CDH4: variants seen among roughly 807,000 people sequenced by gnomAD.
CDH4 encodes cadherin-4.
CDH4 carries 33 observed loss-of-function variants against 86.0 expected under a neutral mutation model. The observed-to-expected ratio is 0.38, with a 90% CI of 0.29 to 0.51. The LOEUF is 0.51. Among genes scored for constraint, CDH4 ranks in the 20% least tolerant of loss-of-function variants. The pLI, the probability that CDH4 is intolerant of heterozygous loss-of-function variation, is 0.86. For missense variants in CDH4, 1,114 were observed against 1,307.4 expected, an observed-to-expected ratio of 0.85 and a Z score of 2.28; for synonymous variants, 555 against 549.4, an observed-to-expected ratio of 1.01 and a Z score of -0.14.
intron 2 of CDH4, among the ~76,000 whole-genome samples, chr20:61,534,753 C>T (rs2085983794): frequency 7.0e-6 from 1 of 142,076 alleles, no homozygotes; most frequent in Non-Finnish European, 1.5e-5. Flanking sequence ...CTGGGACGCT[C>T]CTTTGGAGCA....
chr20:61,736,237 C>T (rs1220576073), intron 2 of CDH4, among the ~76,000 whole-genome samples: 1 of 152,160 alleles, frequency 6.6e-6, no homozygotes, highest in Non-Finnish European at 1.5e-5. Context: ...CCTCAGCTGC[C>T]CCTGTTCCGG....
chr20:61,562,219 TTCGTGTGGAGAGGTGGACCCCAGG>T (rs2086222960), intron 2 of CDH4, among the ~76,000 whole-genome samples: 1 of 116,692 alleles, frequency 8.6e-6, no homozygotes, highest in Non-Finnish European at 1.7e-5. Context: ...GAGAGGGACC[TTCGTGTGGAGAGGTGGACCCCAGG>T]GCTCCCGGAG....
At position 61,516,825 on chromosome 20, in the gene CDH4, G is replaced by A. The variant is rs931587364; in HGVS notation, c.170-226738G>A. Among the ~76,000 whole-genome samples, 8 of 152,158 alleles carry A rather than the reference G, an allele frequency of 5.3e-5. No individual in the cohort carries two copies. Among genetic ancestry groups the A allele is most frequent in the South Asian group, 2.1e-4 (1 of 4,822 alleles). ...GCTTTCTTCTTGGGAACCTGGGCTC[G>A]CTGTCCACACAGCCCCTGCTCCCCT... On this transcript the variant is annotated intron_variant, in intron 2 of 15. Transcript: ENST00000614565. The surrounding 1 kb of genome is among the most constrained non-coding windows in gnomAD (Gnocchi z 4.0).
intron 6 of CDH4, among the ~76,000 whole-genome samples, chr20:61,856,928 A>G (rs1298899074): frequency 1.3e-5 from 2 of 152,306 alleles, no homozygotes; most frequent in African/African-American, 4.8e-5. Flanking sequence ...GTGTTTCCAG[A>G]GTCTCCCCGG....
At chr20:61,742,933 G>T (rs573364776) in intron 2 of CDH4, among the ~76,000 whole-genome samples, 1 of 152,250 alleles carries the variant, frequency 6.6e-6, no homozygotes, top group East Asian at 1.9e-4. Flanking sequence ...GCACTTGGTG[G>T]GGCCAGGGTC....
chr20:61,288,450 A>C (rs191359583), intron 2 of CDH4, among the ~76,000 whole-genome samples: 97 of 152,328 alleles, frequency 6.4e-4, no homozygotes, highest in African/African-American at 2.3e-3. Context: ...CTGGGTCTGG[A>C]GAAAGCAGGT....
intron 2 of CDH4, chr20:61,434,515 C>G: frequency 6.6e-6 from 1 of 151,810 alleles, no homozygotes; most frequent in Non-Finnish European, 1.5e-5. Context: ...TGCTGTAATC[C>G]GGCTGTCCTC....
At chr20:61,918,120 G>T (rs1600770951) in intron 9 of CDH4, among the ~76,000 whole-genome samples, 1 of 152,236 alleles carries the variant, frequency 6.6e-6, no homozygotes, top group Admixed American at 6.5e-5. Context: ...GCTCTGGGGG[G>T]GACCCCAACA....
At chr20:61,868,487 T>C (rs1028012491) in intron 6 of CDH4, among the ~76,000 whole-genome samples, 4 of 152,052 alleles carry the variant, frequency 2.6e-5, no homozygotes, top group African/African-American at 4.8e-5. Context: ...GTATTCAGCA[T>C]CATAGACAGT....
chr20:61,482,827 G>T (rs2085575499), intron 2 of CDH4, among the ~76,000 whole-genome samples: 4 of 152,220 alleles, frequency 2.6e-5, no homozygotes, highest in Admixed American at 1.3e-4. Context: ...CACATGCCAG[G>T]CCTGGTCCTC....
At chr20:61,654,545 T>C (rs2087166358) in intron 2 of CDH4, among the ~76,000 whole-genome samples, 1 of 152,254 alleles carries the variant, frequency 6.6e-6, no homozygotes, top group African/African-American at 2.4e-5. Context: ...AACACAGTCA[T>C]ATGTAAGATT....
intron 2 of CDH4, among the ~76,000 whole-genome samples, chr20:61,458,932 A>G (rs1171378485): frequency 2.0e-5 from 3 of 147,196 alleles, no homozygotes; most frequent in African/African-American, 7.5e-5. Context: ...TTCTTCCTAC[A>G]TCTGAGCTTC....
chr20:61,606,119 G>A (rs2086643862), intron 2 of CDH4, among the ~76,000 whole-genome samples: 1 of 152,190 alleles, frequency 6.6e-6, no homozygotes. Flanking sequence ...GAGTCCTGAG[G>A]CCGGGCTGAA....
chr20:61,609,651 C>A (rs1430481099), intron 2 of CDH4, among the ~76,000 whole-genome samples: 1 of 152,178 alleles, frequency 6.6e-6, no homozygotes, highest in Non-Finnish European at 1.5e-5. Context: ...GTCGGCTGAG[C>A]CTGAACCAGG....
intron 2 of CDH4, among the ~76,000 whole-genome samples, chr20:61,467,898 A>C (rs1297536148): frequency 6.6e-6 from 1 of 152,168 alleles, no homozygotes; most frequent in Non-Finnish European, 1.5e-5. Flanking sequence ...CATGGTTACC[A>C]TTTATTACAG....
intron 10 of CDH4, 119 bp from the exon 11 acceptor site, chr20:61,924,215 A>G: frequency 2.0e-6 from 2 of 1,024,840 alleles, no homozygotes; most frequent in African/African-American, 1.6e-5. Context: ...GGGGGCTCCA[A>G]GGAGACAGAG....
intron 2 of CDH4, among the ~76,000 whole-genome samples, chr20:61,490,865 G>A (rs896328895): frequency 1.1e-4 from 17 of 152,170 alleles, no homozygotes; most frequent in Admixed American, 2.6e-4. Flanking sequence ...TTAAAGAAAC[G>A]TAAAGTTACA....
chr20:61,458,820 G>T lies in CDH4; in HGVS notation c.169+203883G>T, dbSNP rs189370317. Among the ~76,000 whole-genome samples, 4 of 152,126 alleles carry T rather than the reference G, an allele frequency of 2.6e-5. No homozygotes were observed. In the East Asian group the frequency reaches 7.7e-4, roughly 29 times the overall value. ...TGGTGGTGGCAATGAGTGAAGCCCT[G>T]GCAGAGTCAGTGGAACGATCCCTCA... On this transcript the variant is annotated intron_variant, in intron 2 of 15. Coordinates refer to ENST00000614565, the MANE Select transcript of CDH4 (RefSeq NM_001794.5).
chr20:61,774,199 T>TC (rs1443339456), intron 4 of CDH4, among the ~76,000 whole-genome samples: 1 of 152,238 alleles, frequency 6.6e-6, no homozygotes, highest in African/African-American at 2.4e-5. Context: ...TTCTTCCCTG[T>TC]CAGGGGCTCA....
Sources: allele counts gnomAD v4.1 joint callset (sites outside exome capture counted in the v4.1 genomes callset), GRCh38; gene constraint gnomAD v4.1.1; non-coding constraint Gnocchi (gnomAD v3.1); transcripts MANE v1.5; gene names NCBI Gene and HGNC (gene_info 2026-07-23, HGNC 2026-07-21).